Variants in PRKD1 observed in about 807,000 individuals in gnomAD.
PRKD1 encodes protein kinase D1.
Under a neutral mutation model 95.9 loss-of-function variants are expected in PRKD1, and 63 were observed. The observed-to-expected ratio is 0.66, with a 90% CI of 0.54 to 0.81. PRKD1 has a LOEUF of 0.81. PRKD1 is among the 30% of genes least tolerant of loss of function. The pLI is 0.00. For missense variants in PRKD1, 1,048 were observed against 1,165.3 expected, an observed-to-expected ratio of 0.90 and a Z score of 1.47; for synonymous variants, 425 against 423.1, an observed-to-expected ratio of 1.00 and a Z score of -0.05.
chr14:29,878,079 A>T (rs1181537959), intron 1 of PRKD1, among the ~76,000 whole-genome samples: 1 of 152,156 alleles, frequency 6.6e-6, no homozygotes, highest in Non-Finnish European at 1.5e-5. Context: ...GTTCTCACTT[A>T]TAAGTGGGAG....
rs555009399 is a variant in PRKD1, at chr14:29,735,148, T to C, written c.265-9474A>G. 2.6e-5 allele frequency among the ~76,000 whole-genome samples: 4 copies of C among 152,338 alleles called. No homozygotes were observed. The South Asian group carries it at 8.3e-4, about 32-fold the overall frequency. On this transcript the variant is annotated intron_variant, in intron 1 of 17. Transcript: ENST00000331968. Reference sequence around the variant, plus strand: ...AATAGAGAATAGTAATATTGTCTACTTAATATTTTGACTATTTAATTCTAT... The same window carrying C: ...AATAGAGAATAGTAATATTGTCTACCTAATATTTTGACTATTTAATTCTAT...
intron 1 of PRKD1, among the ~76,000 whole-genome samples, chr14:29,906,161 C>A (rs932088815): frequency 1.3e-5 from 2 of 151,648 alleles, no homozygotes; most frequent in African/African-American, 4.9e-5. Context: ...TAATTTAATA[C>A]CCACCATCTA....
At chr14:29,778,366 T>A (rs1041611639) in intron 1 of PRKD1, among the ~76,000 whole-genome samples, 1 of 151,624 alleles carries the variant, frequency 6.6e-6, no homozygotes, top group Non-Finnish European at 1.5e-5. Flanking sequence ...TTTGAAAAGA[T>A]CAAAAAAAAT....
At chr14:29,923,582 T>C (rs563469278) in intron 1 of PRKD1, among the ~76,000 whole-genome samples, 2 of 152,210 alleles carry the variant, frequency 1.3e-5, no homozygotes, top group Admixed American at 1.3e-4. Flanking sequence ...GCACTAACCT[T>C]ACTTCTTTAG....
intron 1 of PRKD1, among the ~76,000 whole-genome samples, chr14:29,835,128 A>AT (rs1891562230): frequency 6.6e-6 from 1 of 151,774 alleles, no homozygotes; most frequent in Non-Finnish European, 1.5e-5. Flanking sequence ...AAAATGTGTC[A>AT]TGTACTCATG....
At chr14:29,736,409 A>C (rs1457018672) in intron 1 of PRKD1, among the ~76,000 whole-genome samples, 2 of 152,182 alleles carry the variant, frequency 1.3e-5, no homozygotes, top group African/African-American at 4.8e-5. Flanking sequence ...AAAAGAGAAG[A>C]TATTGGGGGA....
intron 4 of PRKD1, among the ~76,000 whole-genome samples, chr14:29,653,046 T>C (rs568836614): frequency 1.3e-5 from 2 of 152,326 alleles, no homozygotes; most frequent in South Asian, 2.1e-4. Context: ...TGAGGGGAGA[T>C]GTTCTATGAA....
At chr14:29,922,743 A>T (rs1895165229) in intron 1 of PRKD1, among the ~76,000 whole-genome samples, 1 of 152,050 alleles carries the variant, frequency 6.6e-6, no homozygotes, top group African/African-American at 2.4e-5. Flanking sequence ...AAAATTAGTC[A>T]GATGTGGTGG....
rs186017132 is a variant in PRKD1 at position 29,916,059 on chromosome 14, C to T, written c.264+11190G>A. Among the ~76,000 whole-genome samples the T allele has an allele frequency of 5.6e-3, 859 of 152,274 alleles. 10 individuals are homozygous for T. Among genetic ancestry groups the T allele is most frequent in the Middle Eastern group, 0.024 (7 of 294 alleles). The stretch of plus-strand genomic sequence containing the variant: ...AGGAAGGTTTTGTTCCTGGAGGCTC[C>T]CCTCTGCTGGCCATTGTACTGTGAG... On this transcript the variant is annotated intron_variant, in intron 1 of 17. Coordinates refer to ENST00000331968, the MANE Select transcript of PRKD1 (RefSeq NM_002742.3).
intron 2 of PRKD1, among the ~76,000 whole-genome samples, chr14:29,700,988 G>GCGCGCGCGCACACA (rs140824053): frequency 8.8e-5 from 8 of 90,568 alleles, no homozygotes; most frequent in African/African-American, 1.7e-4. Flanking sequence ...GCGCGCGCGC[G>GCGCGCGCGCACACA]CACACACACA....
chr14:29,831,543 A>G (rs1400192420), intron 1 of PRKD1, among the ~76,000 whole-genome samples: 2 of 148,742 alleles, frequency 1.3e-5, no homozygotes, highest in Non-Finnish European at 3.0e-5. Context: ...ATCTCGGTTC[A>G]CCGCAACCTC....
At chr14:29,796,373 C>T (rs45462599) in intron 1 of PRKD1, among the ~76,000 whole-genome samples, 23,448 of 151,728 alleles carry the variant, frequency 0.15, 2,123 homozygotes, top group South Asian at 0.21. Flanking sequence ...TTTTTTGTTT[C>T]TGGTGGAAGA....
Position 29,630,848 on chromosome 14 carries a change from A to G in PRKD1, c.1566T>C (p.Ser522=). 1 of 1,614,134 alleles carries G rather than the reference A, an allele frequency of 6.2e-7. No individual in the cohort carries two copies. The highest frequency in any genetic ancestry group is 8.5e-7 in the Non-Finnish European group (1 of 1,180,008). ...TCCTGGCCACATCTGCACCAACGCC[A>G]CTGGTGAGAACACTGTTATTTGGTG... ...SPSPNNSVLT[S]GVGADVARMW... is the part of the protein sequence containing the mutation. The change falls in exon 10 of 18, where the codon AGT becomes AGC. Residue 522 remains serine, a synonymous_variant. Transcript: ENST00000331968.
intron 1 of PRKD1, among the ~76,000 whole-genome samples, chr14:29,831,379 T>A (rs574020015): frequency 6.6e-6 from 1 of 151,808 alleles, no homozygotes; most frequent in African/African-American, 2.4e-5. Flanking sequence ...AGGTCACAGT[T>A]AAGTTAGCAG....
chr14:29,924,771 T>C (rs1041706443), intron 1 of PRKD1, among the ~76,000 whole-genome samples: 21 of 151,948 alleles, frequency 1.4e-4, no homozygotes, highest in African/African-American at 4.6e-4. Context: ...AAAAAAAAAC[T>C]GAAATAAAAG....
chr14:29,785,164 G>T (rs903289677), intron 1 of PRKD1, among the ~76,000 whole-genome samples: 1 of 152,110 alleles, frequency 6.6e-6, no homozygotes, highest in South Asian at 2.1e-4. Flanking sequence ...TACAGGCCCT[G>T]TGAGGCATAA....
At chr14:29,582,180 T>C (rs74042664) in intron 16 of PRKD1, among the ~76,000 whole-genome samples, 4,429 of 152,322 alleles carry the variant, frequency 0.029, 221 homozygotes, top group African/African-American at 0.1. Context: ...CTTTCAGTCA[T>C]TTTCTTCTCA....
intron 1 of PRKD1, among the ~76,000 whole-genome samples, chr14:29,777,950 G>C (rs1222351815): frequency 2.6e-5 from 4 of 152,136 alleles, no homozygotes; most frequent in Non-Finnish European, 5.9e-5. Flanking sequence ...CTGTCTCTCA[G>C]ACCACAGTGC....
chr14:29,692,270 T>C (rs1301199446), intron 2 of PRKD1, among the ~76,000 whole-genome samples: 1 of 152,030 alleles, frequency 6.6e-6, no homozygotes, highest in Admixed American at 6.6e-5. Context: ...ATGATTCCAT[T>C]GGAGACTTTA....
Sources: allele counts gnomAD v4.1 joint callset (sites outside exome capture counted in the v4.1 genomes callset), GRCh38; gene constraint gnomAD v4.1.1; transcripts MANE v1.5; gene names NCBI Gene and HGNC (gene_info 2026-07-23, HGNC 2026-07-21).